The following GINS1 variants were observed in gnomAD, a reference collection of about 807,000 sequenced individuals.
GINS1 encodes the protein DNA replication complex GINS protein PSF1.
A neutral mutation model predicts 34.9 loss-of-function variants in GINS1; 26 were observed. The observed-to-expected ratio is 0.74, with a 90% CI of 0.55 to 1.03. The LOEUF (loss-of-function observed/expected upper bound fraction) is 1.03. GINS1 is among the 50% of genes least tolerant of loss of function. GINS1 has a pLI of 0.00. For synonymous variants in GINS1, 97 were observed against 84.4 expected (o/e 1.15, Z -0.82); for missense variants, 235 against 237.9 (o/e 0.99, Z 0.08).
intron 1 of GINS1, among the ~76,000 whole-genome samples, chr20:25,409,767 C>T (rs756553722): frequency 6.6e-6 from 1 of 152,160 alleles, no homozygotes; most frequent in African/African-American, 2.4e-5. Context: ...AACTTCAGAG[C>T]AGTTACCTCA....
intron 5 of GINS1, among the ~76,000 whole-genome samples, chr20:25,438,314 A>G (rs1568809307): frequency 6.6e-6 from 1 of 151,900 alleles, no homozygotes; most frequent in Non-Finnish European, 1.5e-5. Flanking sequence ...AGCATGAAAC[A>G]TCTTGTCTTC....
At chr20:25,410,772 G>A (rs559739896) in intron 1 of GINS1, among the ~76,000 whole-genome samples, 5 of 151,776 alleles carry the variant, frequency 3.3e-5, no homozygotes, top group East Asian at 3.9e-4. Flanking sequence ...TATTTTGGCC[G>A]GGCTGGTCTC....
chr20:25,435,272 GTGATGACTTACTT>G (rs1260383402), intron 5 of GINS1, among the ~76,000 whole-genome samples: 3 of 152,120 alleles, frequency 2.0e-5, no homozygotes, highest in Non-Finnish European at 2.9e-5. Context: ...TCCCAGGTAT[GTGATGACTTACTT>G]ATCTTTTGCT....
At chr20:25,430,692 G>A (rs375808948) in intron 5 of GINS1, among the ~76,000 whole-genome samples, 3 of 152,102 alleles carry the variant, frequency 2.0e-5, no homozygotes, top group East Asian at 3.9e-4. Context: ...CACCACACCC[G>A]GCTAATTTTG....
intron 5 of GINS1, among the ~76,000 whole-genome samples, chr20:25,436,224 AT>A (rs1260395602): frequency 2.0e-5 from 3 of 152,040 alleles, no homozygotes; most frequent in African/African-American, 7.2e-5. Flanking sequence ...AAATGCTGAG[AT>A]TATAGGTGTG....
chr20:25,414,331 A>G (rs777115969), intron 2 of GINS1, among the ~76,000 whole-genome samples: 14 of 152,120 alleles, frequency 9.2e-5, no homozygotes, highest in Admixed American at 4.6e-4. Flanking sequence ...TGTGCTGATC[A>G]CTGCTTAATA....
intron 5 of GINS1, among the ~76,000 whole-genome samples, chr20:25,436,979 G>GT (rs1035310032): frequency 3.9e-5 from 6 of 151,996 alleles, no homozygotes; most frequent in African/African-American, 1.4e-4. Flanking sequence ...TACTGTTTTT[G>GT]TTTTTTTGGT....
chr20:25,437,840 C>G (rs553880131), intron 5 of GINS1, among the ~76,000 whole-genome samples: 1 of 151,870 alleles, frequency 6.6e-6, no homozygotes, highest in Non-Finnish European at 1.5e-5. Flanking sequence ...GAAAAGGGGC[C>G]GGGCACAGTG....
chr20:25,435,003 G>C (rs1286887246), intron 5 of GINS1, among the ~76,000 whole-genome samples: 1 of 152,118 alleles, frequency 6.6e-6, no homozygotes, highest in Non-Finnish European at 1.5e-5. Context: ...CCTCACCAAA[G>C]TCCTCACCTC....
intron 2 of GINS1, among the ~76,000 whole-genome samples, chr20:25,415,175 TAGG>T (rs1165000068): frequency 8.5e-5 from 13 of 152,350 alleles, no homozygotes; most frequent in South Asian, 8.3e-4. Context: ...CATAAAATGA[TAGG>T]AGCATTTCCA....
intron 5 of GINS1, among the ~76,000 whole-genome samples, chr20:25,430,891 A>T (rs895148288): frequency 6.6e-6 from 1 of 152,198 alleles, no homozygotes; most frequent in Non-Finnish European, 1.5e-5. Flanking sequence ...TTCTTGGAGT[A>T]TCTTTTCTGG....
At chr20:25,441,590 G>A in intron 5 of GINS1, 112 bp from the exon 6 acceptor site, 1 of 625,522 alleles carries the variant, frequency 1.6e-6, no homozygotes, top group South Asian at 2.1e-5. Flanking sequence ...TACATGGAGA[G>A]GAAACAAACA....
chr20:25,422,425 A>G (rs1173958205), intron 4 of GINS1, among the ~76,000 whole-genome samples: 2 of 152,040 alleles, frequency 1.3e-5, no homozygotes, highest in Non-Finnish European at 2.9e-5. Flanking sequence ...AAAAGAAAAA[A>G]AAAAACAAAA....
chr20:25,440,201 A>G (rs1211231570), intron 5 of GINS1, among the ~76,000 whole-genome samples: 2 of 150,618 alleles, frequency 1.3e-5, no homozygotes, highest in African/African-American at 2.4e-5. Context: ...GGGTTTCACC[A>G]TGTTGACCAG....
intron 5 of GINS1, among the ~76,000 whole-genome samples, chr20:25,440,220 TA>T (rs1177095888): frequency 1.3e-5 from 2 of 151,678 alleles, no homozygotes; most frequent in Non-Finnish European, 2.9e-5. Flanking sequence ...AGGCTGGTCT[TA>T]AATTCCTGAC....
Position 25,418,165 on chromosome 20 carries a change from T to C in GINS1, c.300T>C (p.Asn100=), listed in dbSNP as rs1166000258. Reference sequence around the variant, plus strand: ...GGGAATATGGTAGCGTCTTGCCAAATGCATTACGATTTCACATGGCTGCTG... The same window carrying C: ...GGGAATATGGTAGCGTCTTGCCAAACGCATTACGATTTCACATGGCTGCTG... ...LRWEYGSVLP[N]ALRFHMAAEE... Residue 100 remains asparagine, a synonymous_variant, in exon 4 of 7, where the codon AAT becomes AAC. Transcript: ENST00000262460. 5 of 1,599,168 alleles carry C rather than the reference T, an allele frequency of 3.1e-6. No individual in the cohort carries two copies. The highest frequency in any genetic ancestry group is 4.3e-6 in the Non-Finnish European group (5 of 1,166,156).
rs2090254791 is a variant in GINS1 at position 25,407,763 on chromosome 20, A to G, written c.-58A>G. ...GGAGTGAGGCGCCGAGAGCCCAGAT[A>G]CCATTTTGGCGTGAGAGCTGGTGGT... On this transcript the variant is annotated 5_prime_UTR_variant, in exon 1 of 7. The change creates a new upstream start codon in the 5' untranslated region. Transcript: ENST00000262460. The G allele has an allele frequency of 2.3e-6, 3 of 1,325,766 alleles. No homozygotes were observed. The highest frequency in any genetic ancestry group is 3.4e-5 in the Admixed American group (2 of 58,986). 82.1% of individuals were successfully genotyped at this position (1,325,766 alleles called of 1,614,324 possible). A position where few individuals can be genotyped will look rare whatever the true frequency, so the allele number is the denominator to read the frequency against.
rs1366884081 is a variant in GINS1 at position 25,407,748 on chromosome 20, G to A, written c.-73G>A. On this transcript the variant is annotated 5_prime_UTR_variant, in exon 1 of 7. Coordinates refer to ENST00000262460, the MANE Select transcript of GINS1 (RefSeq NM_021067.5). ...AGGACTAGAACGAAAGGAGTGAGGCGCCGAGAGCCCAGATACCATTTTGGC... is the reference window on the plus strand; with the variant it reads ...AGGACTAGAACGAAAGGAGTGAGGCACCGAGAGCCCAGATACCATTTTGGC... The A allele has an allele frequency of 3.5e-6, 4 of 1,157,282 alleles. No homozygotes were observed. In the East Asian group the frequency reaches 7.2e-5, roughly 21 times the overall value. 71.7% of individuals were successfully genotyped at this position (1,157,282 alleles called of 1,614,324 possible).
At chr20:25,417,790 G>A (rs1374466557) in intron 3 of GINS1, among the ~76,000 whole-genome samples, 1 of 152,138 alleles carries the variant, frequency 6.6e-6, no homozygotes, top group East Asian at 1.9e-4. Context: ...GGAGCCAGAG[G>A]TTGTAGTGAA....
Sources: allele counts gnomAD v4.1 joint callset (sites outside exome capture counted in the v4.1 genomes callset), GRCh38; gene constraint gnomAD v4.1.1; transcripts MANE v1.5; gene names NCBI Gene and HGNC (gene_info 2026-07-23, HGNC 2026-07-21).